The following KCNQ1 variants were observed in gnomAD, a reference collection of about 807,000 sequenced individuals.
The protein encoded by KCNQ1 is potassium voltage-gated channel subfamily KQT member 1.
KCNQ1 carries 49 observed loss-of-function variants against 72.4 expected under a neutral mutation model. The observed-to-expected ratio is 0.68, with a 90% CI of 0.54 to 0.86. The LOEUF is 0.86. KCNQ1 is among the 40% of genes least tolerant of loss of function. The pLI, the probability that KCNQ1 is intolerant of heterozygous loss-of-function variation, is 0.00. For missense variants in KCNQ1, 790 were observed against 945.1 expected, an observed-to-expected ratio of 0.84 and a Z score of 2.15; for synonymous variants, 450 against 412.6, an observed-to-expected ratio of 1.09 and a Z score of -1.10.
Position 2,663,714 on chromosome 11 carries a change from G to A in KCNQ1, c.1514+1633G>A, listed in dbSNP as rs1016200064. ...CAGGCCTTACCAACTCTTGGGTCTT[G>A]CAAGGCCCCTGCAGGTGAAGGTGGT... On this transcript the variant is annotated intron_variant, in intron 11 of 15. Coordinates refer to ENST00000155840, the MANE Select transcript of KCNQ1 (RefSeq NM_000218.3). The surrounding 1 kb of genome is among the most constrained non-coding windows in gnomAD (Gnocchi z 5.2). 2 of 398,622 alleles carry A rather than the reference G, an allele frequency of 5.0e-6. No individual in the cohort carries two copies. The highest frequency in any genetic ancestry group is 1.3e-4 in the South Asian group (1 of 7,860). The allele number at this position is 398,622 out of a possible 1,614,324, so 24.7% of individuals were successfully genotyped here.
At chr11:2,466,558 C>T (rs1339501792) in intron 1 of KCNQ1, among the ~76,000 whole-genome samples, 2 of 152,138 alleles carry the variant, frequency 1.3e-5, no homozygotes, top group Non-Finnish European at 2.9e-5. Context: ...CTATCACTGA[C>T]ATCTGCCCAG....
intron 15 of KCNQ1, among the ~76,000 whole-genome samples, chr11:2,805,343 A>T (rs1378189071): frequency 6.6e-6 from 1 of 152,242 alleles, no homozygotes; most frequent in Non-Finnish European, 1.5e-5. Flanking sequence ...AGAAAACTGC[A>T]GCCGACGACG....
rs1447502746 is a variant in KCNQ1, at chr11:2,507,182, C to T, written c.387-20746C>T. 6.6e-6 allele frequency among the ~76,000 whole-genome samples: 1 copy of T among 152,202 alleles called. No homozygotes were observed. Among genetic ancestry groups the T allele is most frequent in the Non-Finnish European group, 1.5e-5 (1 of 68,040 alleles). On this transcript the variant is annotated intron_variant, in intron 1 of 15. Coordinates refer to ENST00000155840, the MANE Select transcript of KCNQ1 (RefSeq NM_000218.3). This position sits in a 1 kb window ranked among gnomAD's most constrained non-coding sequence, Gnocchi z 5.4. The stretch of plus-strand genomic sequence containing the variant: ...TTCTTCTGGAGGTTTGGGGTCTTGT[C>T]TTCAGCATTTAGCTCCTTGTCCGTT...
chr11:2,836,038 C>A (rs1848060816), intron 15 of KCNQ1, among the ~76,000 whole-genome samples: 1 of 152,046 alleles, frequency 6.6e-6, no homozygotes, highest in Non-Finnish European at 1.5e-5. Context: ...CAGAGCTGCT[C>A]CCAAGGACGC....
intron 15 of KCNQ1, among the ~76,000 whole-genome samples, chr11:2,800,603 G>A (rs1015590212): frequency 6.6e-6 from 1 of 152,260 alleles, no homozygotes; most frequent in Non-Finnish European, 1.5e-5. Flanking sequence ...GGGGGCCAGA[G>A]CAGCTGTGGC....
rs549373976 is a variant in KCNQ1, at chr11:2,495,644, G to T, written c.387-32284G>T. ...TGTTCAATTTCCATGTATCTGTGTGGTTTTTAGTGAGTTTCTTCATCCTGA... is the reference window on the plus strand; with the variant it reads ...TGTTCAATTTCCATGTATCTGTGTGTTTTTTAGTGAGTTTCTTCATCCTGA... On this transcript the variant is annotated intron_variant, in intron 1 of 15. Transcript: ENST00000155840. This position sits in a 1 kb window ranked among gnomAD's most constrained non-coding sequence, Gnocchi z 4.6. Among the ~76,000 whole-genome samples, 59 of 152,310 alleles carry T rather than the reference G, an allele frequency of 3.9e-4. No homozygotes were observed. Among genetic ancestry groups the T allele is most frequent in the African/African-American group, 1.3e-3 (52 of 41,570 alleles).
At chr11:2,699,251 G>C in intron 11 of KCNQ1, 1 of 398,834 alleles carries the variant, frequency 2.5e-6, no homozygotes, top group Non-Finnish European at 4.4e-6. Context: ...ATAAGGTGCA[G>C]ATGGGAGCGC....
At chr11:2,714,624 C>T (rs1339230724) in intron 11 of KCNQ1, among the ~76,000 whole-genome samples, 1 of 152,100 alleles carries the variant, frequency 6.6e-6, no homozygotes, top group East Asian at 1.9e-4. Context: ...GAGGTGGAAT[C>T]TCAAAGGAGG....
rs1032574388 is a variant in KCNQ1, at chr11:2,508,553, G to A, written c.387-19375G>A. 3.3e-5 allele frequency among the ~76,000 whole-genome samples: 5 copies of A among 151,986 alleles called. No homozygotes were observed. Among genetic ancestry groups the A allele is most frequent in the African/African-American group, 7.2e-5 (3 of 41,386 alleles). ...GTGTTCGCACCTGAGAGGTTTCGGG[G>A]CAGGGTCCCAGCCTCCATGTACGGG... On this transcript the variant is annotated intron_variant, in intron 1 of 15. Coordinates refer to ENST00000155840, the MANE Select transcript of KCNQ1 (RefSeq NM_000218.3). The surrounding 1 kb of genome is among the most constrained non-coding windows in gnomAD (Gnocchi z 6.2).
At chr11:2,662,839 T>C (rs1384258149) in intron 11 of KCNQ1, 19 of 398,848 alleles carry the variant, frequency 4.8e-5, no homozygotes, top group Non-Finnish European at 1.3e-5. Context: ...GGGTCACTTG[T>C]GGAAACTCTC....
intron 15 of KCNQ1, among the ~76,000 whole-genome samples, chr11:2,839,082 G>A (rs973024491): frequency 5.2e-4 from 79 of 152,304 alleles, no homozygotes; most frequent in African/African-American, 1.0e-3. Flanking sequence ...CCTGCCTGGC[G>A]TCTGCCGGCA....
rs1260565363 is a variant in KCNQ1 at position 2,668,806 on chromosome 11, G to C, written c.1514+6725G>C. 4 of 398,454 alleles carry C rather than the reference G, an allele frequency of 1.0e-5. No homozygotes were observed. Among genetic ancestry groups the C allele is most frequent in the Admixed American group, 4.4e-5 (1 of 22,710 alleles). 24.7% of individuals were successfully genotyped at this position (398,454 alleles called of 1,614,324 possible). ...ATGAACAGAAGGTCTTAATTTTCAT[G>C]TGGTCCAGTTAATCAAACATTTCCT... On this transcript the variant is annotated intron_variant, in intron 11 of 15. Coordinates refer to ENST00000155840, the MANE Select transcript of KCNQ1 (RefSeq NM_000218.3). The surrounding 1 kb of genome is among the most constrained non-coding windows in gnomAD (Gnocchi z 4.3).
Position 2,695,356 on chromosome 11 carries a change from A to G in KCNQ1, c.1514+33275A>G. On this transcript the variant is annotated intron_variant, in intron 11 of 15. Coordinates refer to ENST00000155840, the MANE Select transcript of KCNQ1 (RefSeq NM_000218.3). This position sits in a 1 kb window ranked among gnomAD's most constrained non-coding sequence, Gnocchi z 5.2. ...TGTGTGTGTGTGTGCACTCACGAGC[A>G]CTCCCTAGTACTGCGTGTCTGGGTG... The G allele has an allele frequency of 2.5e-6, 1 of 395,898 alleles. No individual in the cohort carries two copies. The highest frequency in any genetic ancestry group is 3.6e-5 in the East Asian group (1 of 28,012). 24.5% of individuals were successfully genotyped at this position (395,898 alleles called of 1,614,324 possible).
rs1025385203 is a variant in KCNQ1, at chr11:2,704,511, C to T, written c.1514+42430C>T. On this transcript the variant is annotated intron_variant, in intron 11 of 15. Transcript: ENST00000155840. The surrounding 1 kb of genome is among the most constrained non-coding windows in gnomAD (Gnocchi z 4.3). ...CCTTTTGGGCCTTGTAGGCTGTCGT[C>T]AGAGGGGAGGCACAGTGGGGAGTCT... Among the ~76,000 whole-genome samples, 2 of 152,168 alleles carry T rather than the reference C, an allele frequency of 1.3e-5. No homozygotes were observed. Among genetic ancestry groups the T allele is most frequent in the Non-Finnish European group, 2.9e-5 (2 of 68,040 alleles).
At chr11:2,810,650 T>TAA (rs1847467402) in intron 15 of KCNQ1, among the ~76,000 whole-genome samples, 1 of 152,254 alleles carries the variant, frequency 6.6e-6, no homozygotes, top group Non-Finnish European at 1.5e-5. Context: ...TTCTGCTTAA[T>TAA]TCCTTGATCT....
At chr11:2,656,146 C>A (rs777416474) in intron 10 of KCNQ1, 3 of 398,638 alleles carry the variant, frequency 7.5e-6, no homozygotes, top group East Asian at 3.6e-5. Flanking sequence ...CTTCTACATA[C>A]AAGTGATGCA....
At chr11:2,847,068 G>A (rs1195496229) in intron 15 of KCNQ1, among the ~76,000 whole-genome samples, 4 of 152,184 alleles carry the variant, frequency 2.6e-5, no homozygotes, top group African/African-American at 7.2e-5. Context: ...TTAAAGACAT[G>A]GCATAATGGT....
intron 15 of KCNQ1, among the ~76,000 whole-genome samples, chr11:2,819,191 G>A (rs1474388282): frequency 1.3e-5 from 2 of 152,376 alleles, no homozygotes; most frequent in Admixed American, 1.3e-4. Context: ...GACAGCCAAA[G>A]TCCCTCCTCC....
intron 6 of KCNQ1, 99 bp from the exon 7 acceptor site, chr11:2,583,336 G>T: frequency 2.4e-6 from 2 of 849,906 alleles, no homozygotes; most frequent in Middle Eastern, 2.2e-4. Flanking sequence ...GTCTCTTGCC[G>T]GCCTCTCCGC....
Sources: allele counts gnomAD v4.1 joint callset (sites outside exome capture counted in the v4.1 genomes callset), GRCh38; gene constraint gnomAD v4.1.1; non-coding constraint Gnocchi (gnomAD v3.1); transcripts MANE v1.5; gene names NCBI Gene and HGNC (gene_info 2026-07-23, HGNC 2026-07-21).